MTAP: variants seen among roughly 807,000 people sequenced by gnomAD.
MTAP encodes the protein S-methyl-5'-thioadenosine phosphorylase.
MTAP carries 33 observed loss-of-function variants against 33.6 expected under a neutral mutation model. That is an observed-to-expected ratio of 0.98 (90% CI 0.74 to 1.31). The LOEUF (loss-of-function observed/expected upper bound fraction) is 1.31. Among genes scored for constraint, MTAP ranks in the 40% most tolerant of loss-of-function variants. The pLI is 0.00. For missense variants in MTAP, 367 were observed against 360.0 expected, an observed-to-expected ratio of 1.02 and a Z score of -0.16; for synonymous variants, 148 against 125.7, an observed-to-expected ratio of 1.18 and a Z score of -1.19.
chr9:21,833,611 C>G (rs573163479), intron 4 of MTAP, among the ~76,000 whole-genome samples: 7 of 152,148 alleles, frequency 4.6e-5, no homozygotes, highest in Non-Finnish European at 7.3e-5. Flanking sequence ...GATTCACTTC[C>G]CCTAAACCGT....
chr9:21,873,753 A>T (rs1286923810), intron 1 of MTAP, among the ~76,000 whole-genome samples: 1 of 152,144 alleles, frequency 6.6e-6, no homozygotes, highest in Non-Finnish European at 1.5e-5. Context: ...ATTTAAAAGG[A>T]ACAGCTATAG....
At chr9:21,886,358 G>T in intron 1 of MTAP, among the ~76,000 whole-genome samples, 1 of 152,018 alleles carries the variant, frequency 6.6e-6, no homozygotes, top group Non-Finnish European at 1.5e-5. Context: ...TTAGTCTTTT[G>T]TCAGATGCAT....
intron 1 of MTAP, among the ~76,000 whole-genome samples, chr9:21,908,025 C>G (rs1173120048): frequency 6.6e-6 from 1 of 152,060 alleles, no homozygotes; most frequent in African/African-American, 2.4e-5. Flanking sequence ...ATATCACAGC[C>G]ATGATATTAA....
chr9:21,913,334 C>T (rs962214411), intron 1 of MTAP, among the ~76,000 whole-genome samples: 2 of 152,074 alleles, frequency 1.3e-5, no homozygotes, highest in African/African-American at 4.8e-5. Context: ...AATCCTAAGC[C>T]AAAAGAACAA....
chr9:21,871,113 A>G (rs957074521), downstream of MTAP, among the ~76,000 whole-genome samples: 1 of 152,150 alleles, frequency 6.6e-6, no homozygotes, highest in African/African-American at 2.4e-5. Context: ...CTGTGTTTAA[A>G]TTTTGTAAAA....
intron 1 of MTAP, among the ~76,000 whole-genome samples, chr9:21,911,427 G>A (rs1406732553): frequency 6.6e-6 from 1 of 152,064 alleles, no homozygotes; most frequent in Admixed American, 6.6e-5. Context: ...ATAATAAACT[G>A]TCTCTCAGAC....
chr9:21,838,809 A>G (rs1199186974), intron 5 of MTAP, among the ~76,000 whole-genome samples: 2 of 152,250 alleles, frequency 1.3e-5, no homozygotes, highest in African/African-American at 2.4e-5. Flanking sequence ...TTTGAAAGTC[A>G]GGTGCAACTC....
chr9:21,899,366 ATAACT>A (rs1362674938), intron 1 of MTAP, among the ~76,000 whole-genome samples: 1 of 151,174 alleles, frequency 6.6e-6, no homozygotes, highest in Admixed American at 6.6e-5. Flanking sequence ...TATGTACCGC[ATAACT>A]TAAAGTACAA....
intron 2 of MTAP, 86 bp downstream of exon 2, chr9:21,815,605 G>T (rs75073674): frequency 7.2e-6 from 4 of 554,332 alleles, no homozygotes; most frequent in Non-Finnish European, 1.1e-5. Flanking sequence ...AAAAAAAAAA[G>T]AATTGCTTTT....
intron 1 of MTAP, among the ~76,000 whole-genome samples, chr9:21,923,215 A>G (rs527729783): frequency 2.6e-5 from 4 of 152,330 alleles, no homozygotes; most frequent in African/African-American, 9.6e-5. Context: ...ATAGACACTA[A>G]TTAGAACCCC....
At chr9:21,830,205 T>C (rs1270716891) in intron 4 of MTAP, among the ~76,000 whole-genome samples, 2 of 152,224 alleles carry the variant, frequency 1.3e-5, no homozygotes, top group African/African-American at 2.4e-5. Flanking sequence ...CAAAAGAATG[T>C]GTTATATTTT....
intron 2 of MTAP, 71 bp downstream of exon 2, chr9:21,815,590 T>A (rs56394539): frequency 4.0e-5 from 30 of 757,892 alleles, no homozygotes; most frequent in African/African-American, 3.0e-4. Context: ...ATTTTTGAAT[T>A]AAAAAAAAAA....
intron 6 of MTAP, among the ~76,000 whole-genome samples, chr9:21,855,808 G>A (rs1297589460): frequency 6.6e-6 from 1 of 152,132 alleles, no homozygotes; most frequent in Admixed American, 6.5e-5. Context: ...GGCCAATCTT[G>A]TGTGATAGGT....
intron 4 of MTAP, among the ~76,000 whole-genome samples, chr9:21,830,490 TG>T (rs1824939923): frequency 6.6e-6 from 1 of 152,198 alleles, no homozygotes; most frequent in African/African-American, 2.4e-5. Context: ...GGGTAAAAGA[TG>T]GTTAGGAGTG....
chr9:21,834,193 C>G (rs1825044797), intron 4 of MTAP, among the ~76,000 whole-genome samples: 1 of 152,166 alleles, frequency 6.6e-6, no homozygotes, highest in African/African-American at 2.4e-5. Flanking sequence ...TTGTCTCATT[C>G]AGTTTTCACG....
chr9:21,820,574 A>T (rs201404165), intron 4 of MTAP, among the ~76,000 whole-genome samples: 2 of 152,096 alleles, frequency 1.3e-5, no homozygotes, highest in African/African-American at 2.4e-5. Context: ...TCAGGTAGTG[A>T]GATGCCTCCA....
At chr9:21,884,263 T>C (rs1033459993) in intron 1 of MTAP, among the ~76,000 whole-genome samples, 14 of 152,166 alleles carry the variant, frequency 9.2e-5, no homozygotes, top group African/African-American at 2.7e-4. Context: ...CCAACACATA[T>C]ATAAAAACGG....
At chr9:21,834,783 G>A (rs1264446770) in intron 4 of MTAP, among the ~76,000 whole-genome samples, 3 of 152,142 alleles carry the variant, frequency 2.0e-5, no homozygotes, top group Admixed American at 6.5e-5. Context: ...GTTCCCCTTT[G>A]CCATCTAAAG....
chr9:21,939,676 C>T (rs1379767575), downstream of MTAP, among the ~76,000 whole-genome samples: 4 of 151,696 alleles, frequency 2.6e-5, no homozygotes, highest in East Asian at 3.9e-4. Flanking sequence ...CCAGCATGGC[C>T]AACATGGTGA....
Sources: allele counts gnomAD v4.1 joint callset (sites outside exome capture counted in the v4.1 genomes callset), GRCh38; gene constraint gnomAD v4.1.1; transcripts MANE v1.5; gene names NCBI Gene and HGNC (gene_info 2026-07-23, HGNC 2026-07-21).